Variants in ILDR1 observed in about 807,000 individuals in gnomAD.
The protein encoded by ILDR1 is immunoglobulin-like domain-containing receptor 1.
ILDR1 carries 56 observed loss-of-function variants against 62.4 expected under a neutral mutation model. The ratio of observed to expected loss-of-function variants is 0.90; its 90% CI spans 0.72 to 1.12. The LOEUF is 1.12. Among genes scored for constraint, ILDR1 ranks in the 50% most tolerant of loss-of-function variants. ILDR1 has a pLI of 0.00. For synonymous variants in ILDR1, 284 were observed against 277.8 expected (o/e 1.02, Z -0.22); for missense variants, 736 against 710.6 (o/e 1.04, Z -0.41).
the ILDR1 span, among the ~76,000 whole-genome samples, chr3:122,035,629 C>T: frequency 6.6e-6 from 1 of 152,102 alleles, no homozygotes; most frequent in Non-Finnish European, 1.5e-5. Flanking sequence ...TTCCCTCTTC[C>T]CTCTCTTTCC....
chr3:122,049,607 A>C, the ILDR1 span, among the ~76,000 whole-genome samples: 1 of 152,080 alleles, frequency 6.6e-6, no homozygotes, highest in South Asian at 2.1e-4. Context: ...GGTGAATTGA[A>C]CCTTTTATCA....
Position 122,022,181 on chromosome 3 carries a change from C to T in ILDR1, c.-104G>A. 3 of 1,007,368 alleles carry T rather than the reference C, an allele frequency of 3.0e-6. No homozygotes were observed. The highest frequency in any genetic ancestry group is 3.0e-5 in the South Asian group (2 of 66,568). 62.4% of individuals were successfully genotyped at this position (1,007,368 alleles called of 1,614,324 possible). A position where few individuals can be genotyped will look rare whatever the true frequency, so the allele number is the denominator to read the frequency against. The stretch of plus-strand genomic sequence containing the variant: ...GCACCACCTTCTCCAAGGAACCCCT[C>T]GGGTTTCCCCTCCCTCGGCGCAGCG... On this transcript the variant is annotated 5_prime_UTR_variant, in exon 1 of 8. Coordinates refer to ENST00000344209, the MANE Select transcript of ILDR1 (RefSeq NM_001199799.2).
the ILDR1 span, among the ~76,000 whole-genome samples, chr3:122,040,469 A>C: frequency 6.6e-6 from 1 of 151,918 alleles, no homozygotes; most frequent in Non-Finnish European, 1.5e-5. Context: ...AAATATAAAA[A>C]ATAATATCTT....
rs2071813038 is a variant in ILDR1 at position 122,018,676 on chromosome 3, G to T, written c.58+3344C>A. 2.0e-5 allele frequency among the ~76,000 whole-genome samples: 3 copies of T among 152,106 alleles called. No individual in the cohort carries two copies. In the South Asian group the frequency reaches 6.2e-4, roughly 32 times the overall value. ...CTGTCAACCTGAGACACATGACTTG[G>T]GTCCAGATTTCCTTATCTGTAAAAC... On this transcript the variant is annotated intron_variant, in intron 1 of 7. Transcript: ENST00000344209.
At chr3:121,991,752 G>C (rs1248381877) in intron 7 of ILDR1, among the ~76,000 whole-genome samples, 1 of 152,116 alleles carries the variant, frequency 6.6e-6, no homozygotes, top group Non-Finnish European at 1.5e-5. Flanking sequence ...TCTCACCAAG[G>C]CTCTGCTCTA....
the ILDR1 span, among the ~76,000 whole-genome samples, chr3:122,032,079 A>G: frequency 1.3e-5 from 2 of 152,250 alleles, no homozygotes; most frequent in Non-Finnish European, 2.9e-5. Flanking sequence ...AGGACAAAAT[A>G]TAGAACAGAA....
chr3:122,031,933 G>A, the ILDR1 span, among the ~76,000 whole-genome samples: 1 of 152,178 alleles, frequency 6.6e-6, no homozygotes, highest in African/African-American at 2.4e-5. Context: ...CTTGCTGGAT[G>A]AGTACTGTTT....
At chr3:122,015,903 C>T (rs924484032) in intron 1 of ILDR1, among the ~76,000 whole-genome samples, 2 of 152,222 alleles carry the variant, frequency 1.3e-5, no homozygotes, top group Non-Finnish European at 2.9e-5. Context: ...GTACTGTACT[C>T]ATGCATGCTC....
chr3:122,031,023 C>T, the ILDR1 span, among the ~76,000 whole-genome samples: 16 of 152,264 alleles, frequency 1.1e-4, no homozygotes, highest in South Asian at 1.2e-3. Context: ...TTCTCTTTTT[C>T]GTCGCCTAGA....
intron 5 of ILDR1, among the ~76,000 whole-genome samples, chr3:121,999,241 G>A (rs2071481877): frequency 6.6e-6 from 1 of 151,978 alleles, no homozygotes; most frequent in African/African-American, 2.4e-5. Flanking sequence ...TGATAAAGGT[G>A]GTTATCTCTG....
chr3:122,006,202 T>C (rs1462363980), intron 2 of ILDR1, among the ~76,000 whole-genome samples: 1 of 152,186 alleles, frequency 6.6e-6, no homozygotes, highest in African/African-American at 2.4e-5. Flanking sequence ...GACTAATGCC[T>C]CCCTCTCCAT....
the ILDR1 span, among the ~76,000 whole-genome samples, chr3:122,039,279 C>T: frequency 1.3e-5 from 2 of 151,866 alleles, no homozygotes; most frequent in Non-Finnish European, 2.9e-5. Flanking sequence ...GTATAAATAC[C>T]AAAAACCAAA....
chr3:122,014,060 A>C (rs1369820506), intron 1 of ILDR1, among the ~76,000 whole-genome samples: 1 of 152,210 alleles, frequency 6.6e-6, no homozygotes, highest in Non-Finnish European at 1.5e-5. Context: ...TTAGACCTCC[A>C]CTACACTACC....
At chr3:122,029,509 AAAATAT>A in the ILDR1 span, among the ~76,000 whole-genome samples, 1 of 113,506 alleles carries the variant, frequency 8.8e-6, no homozygotes, top group African/African-American at 3.7e-5. Flanking sequence ...CCGTCTAAAA[AAAATAT>A]ATATATATAT....
the ILDR1 span, among the ~76,000 whole-genome samples, chr3:122,046,665 C>T: frequency 6.7e-6 from 1 of 150,218 alleles, no homozygotes; most frequent in Non-Finnish European, 1.5e-5. Flanking sequence ...TCATTTCGTT[C>T]ATTTCATCTT....
rs1403349258 is a variant in ILDR1 at position 122,005,248 on chromosome 3, C to G, written c.375G>C (p.Gln125His). ...VDYRQRKITI[Q>H]NRADLVINEV... is the part of the protein sequence containing the mutation. ...TGACACCTCCCCCGCACTCACGGTT[C>G]TGGATGGTGATCTTGCGCTGCCGGT... is the stretch of plus-strand genomic sequence containing the variant. Residue 125 changes from glutamine (Q) to histidine (H), a missense_variant, in exon 3 of 8, where the codon CAG becomes CAC. Gln to His is a conservative substitution (Grantham distance 24). Transcript: ENST00000344209. 2 of 1,308,468 alleles carry G rather than the reference C, an allele frequency of 1.5e-6. No individual in the cohort carries two copies. The highest frequency in any genetic ancestry group is 1.5e-5 in the African/African-American group (1 of 66,558). The allele number at this position is 1,308,468 out of a possible 1,614,324, so 81.1% of individuals were successfully genotyped here.
intron 5 of ILDR1, among the ~76,000 whole-genome samples, chr3:122,000,391 A>C (rs780763898): frequency 8.6e-4 from 131 of 152,230 alleles, no homozygotes; most frequent in South Asian, 1.7e-3. Context: ...CTCCATAAAA[A>C]CCCAAAAGGA....
chr3:122,018,929 A>G (rs2071817782), intron 1 of ILDR1, among the ~76,000 whole-genome samples: 1 of 152,220 alleles, frequency 6.6e-6, no homozygotes, highest in Non-Finnish European at 1.5e-5. Flanking sequence ...CCACCCAGGA[A>G]AAATTACTGT....
chr3:122,042,947 T>C, the ILDR1 span, among the ~76,000 whole-genome samples: 2 of 150,896 alleles, frequency 1.3e-5, no homozygotes, highest in African/African-American at 4.9e-5. Flanking sequence ...ATTTTGGCTT[T>C]TGTTGCCATT....
Sources: allele counts gnomAD v4.1 joint callset (sites outside exome capture counted in the v4.1 genomes callset), GRCh38; gene constraint gnomAD v4.1.1; transcripts MANE v1.5; gene names NCBI Gene and HGNC (gene_info 2026-07-23, HGNC 2026-07-21).